SRGAP1: variants seen among roughly 807,000 people sequenced by gnomAD.
SRGAP1 encodes SLIT-ROBO Rho GTPase-activating protein 1.
A neutral mutation model predicts 121.9 loss-of-function variants in SRGAP1; 43 were observed. The observed-to-expected ratio is 0.35, with a 90% CI of 0.28 to 0.46. The LOEUF (loss-of-function observed/expected upper bound fraction) is 0.46, where lower values mean the gene tolerates loss of function less well. Ranked by LOEUF, SRGAP1 falls within the 20% of genes least tolerant of loss-of-function variation. The pLI, the probability that SRGAP1 is intolerant of heterozygous loss-of-function variation, is 1.00. For missense variants in SRGAP1, 1,102 were observed against 1,350.9 expected (o/e 0.82, Z 2.89); for synonymous variants, 447 against 485.4 (o/e 0.92, Z 1.04).
At position 64,095,160 on chromosome 12, in the gene SRGAP1, G is replaced by C; in HGVS notation, c.1634G>C (p.Gly545Ala). The C allele has an allele frequency of 6.2e-7, 1 of 1,614,028 alleles. No individual in the cohort carries two copies. Among genetic ancestry groups the C allele is most frequent in the Non-Finnish European group, 8.5e-7 (1 of 1,179,996 alleles). The change falls in exon 14 of 22, where the codon GGT becomes GCT. Residue 545 changes from glycine to alanine, a missense_variant. Physicochemically the swap from Gly to Ala is moderately conservative, Grantham distance 60 (BLOSUM62 0). Around this residue, in one of 3 missense-constraint regions of SRGAP1, gnomAD observed 747 missense variants for 929.4 expected, o/e 0.80. Coordinates refer to ENST00000355086, the MANE Select transcript of SRGAP1 (RefSeq NM_020762.4). ...CATCAGGGGATTTTCAGAGTGTCTGGTTCCCAGGTGGAAGTCAATGATATT... is the reference window on the plus strand; with the variant it reads ...CATCAGGGGATTTTCAGAGTGTCTGCTTCCCAGGTGGAAGTCAATGATATT... The part of the protein sequence containing the change: ...LQHQGIFRVS[G>A]SQVEVNDIKN...
At chr12:64,130,561 C>G (rs948425875) in intron 21 of SRGAP1, among the ~76,000 whole-genome samples, 2 of 152,136 alleles carry the variant, frequency 1.3e-5, no homozygotes, top group African/African-American at 4.8e-5. Context: ...GGGAACTTTG[C>G]CCCAGCCCTG....
In SRGAP1 at chr12:64,153,276, A is replaced by C. The variant is rs1051457236; in HGVS notation, c.*10604A>C. 3.9e-5 allele frequency: 6 copies of C among 152,114 alleles called. No individual in the cohort carries two copies. The highest frequency in any genetic ancestry group is 1.4e-4 in the African/African-American group (6 of 41,406). The allele number at this position is 152,114 out of a possible 1,614,324, so 9.4% of individuals were successfully genotyped here. ...CCCTGGAGATGAAAATAAAGGCCAG[A>C]ATGTGGACAGAGATCAGATTTTGGA... On this transcript the variant is annotated 3_prime_UTR_variant, in exon 22 of 22. Transcript: ENST00000355086.
At chr12:64,055,845 A>C (rs2035329947) in intron 6 of SRGAP1, among the ~76,000 whole-genome samples, 1 of 152,062 alleles carries the variant, frequency 6.6e-6, no homozygotes, top group African/African-American at 2.4e-5. Context: ...GAGTCACCTG[A>C]GGCATTATCT....
rs73130171 is a variant in SRGAP1 at position 64,110,337 on chromosome 12, C to T, written c.1919+1300C>T. Among the ~76,000 whole-genome samples, 318 of 152,270 alleles carry T rather than the reference C, an allele frequency of 2.1e-3. 1 individual carries two copies. Among genetic ancestry groups the T allele is most frequent in the Non-Finnish European group, 3.2e-3 (216 of 68,016 alleles). On this transcript the variant is annotated intron_variant, in intron 16 of 21. Coordinates refer to ENST00000355086, the MANE Select transcript of SRGAP1 (RefSeq NM_020762.4). Reference sequence around the variant, plus strand: ...GCAGTCTGTTAATTAAGAAAGTTCTCAAAACCTGAACCTAACTCATCATGC... The same window carrying T: ...GCAGTCTGTTAATTAAGAAAGTTCTTAAAACCTGAACCTAACTCATCATGC...
intron 4 of SRGAP1, among the ~76,000 whole-genome samples, chr12:64,035,972 C>T (rs188226037): frequency 2.8e-4 from 43 of 152,250 alleles, no homozygotes; most frequent in Admixed American, 4.6e-4. Flanking sequence ...CATTTTACCT[C>T]GAAGGAACTG....
In SRGAP1 at chr12:64,111,844, G is replaced by C; in HGVS notation, c.2002G>C (p.Glu668Gln). The change falls in exon 17 of 22, where the codon GAA becomes CAA. Residue 668 changes from glutamate to glutamine, a missense_variant. Around this residue, in one of 3 missense-constraint regions of SRGAP1, gnomAD observed 747 missense variants for 929.4 expected, o/e 0.80. Coordinates refer to ENST00000355086, the MANE Select transcript of SRGAP1 (RefSeq NM_020762.4). ...CFGPTLMPVP[E>Q]IQDQVSCQAH... ...TGGCCCAACATTGATGCCTGTCCCA[G>C]AAATACAGGATCAAGTGTCTTGCCA... 1 of 1,613,974 alleles carries C rather than the reference G, an allele frequency of 6.2e-7. No homozygotes were observed. The highest frequency in any genetic ancestry group is 1.3e-5 in the African/African-American group (1 of 74,976).
chr12:64,087,457 G>T (rs571603234), intron 11 of SRGAP1, among the ~76,000 whole-genome samples: 1 of 152,162 alleles, frequency 6.6e-6, no homozygotes, highest in East Asian at 1.9e-4. Context: ...AGAGCTGGCC[G>T]GGTGCAGTGG....
intron 15 of SRGAP1, among the ~76,000 whole-genome samples, chr12:64,098,703 A>G (rs1254864824): frequency 6.6e-6 from 1 of 151,974 alleles, no homozygotes; most frequent in Admixed American, 6.6e-5. Flanking sequence ...AGCTAACTCC[A>G]TGGCATGGCC....
At chr12:63,914,058 C>T (rs5023019) in intron 1 of SRGAP1, among the ~76,000 whole-genome samples, 45,125 of 151,946 alleles carry the variant, frequency 0.3, 6,807 homozygotes, top group African/African-American at 0.34. Context: ...TTTGTATCAA[C>T]AGTAATGAAT....
chr12:63,844,988 G>A lies in SRGAP1; in HGVS notation c.67+105G>A. 1 of 1,172,936 alleles carries A rather than the reference G, an allele frequency of 8.5e-7. No individual in the cohort carries two copies. The highest frequency in any genetic ancestry group is 1.3e-6 in the Non-Finnish European group (1 of 786,590). 72.7% of individuals were successfully genotyped at this position (1,172,936 alleles called of 1,614,324 possible). On this transcript the variant is annotated intron_variant, in intron 1 of 21. Coordinates refer to ENST00000355086, the MANE Select transcript of SRGAP1 (RefSeq NM_020762.4). The surrounding 1 kb of genome is among the most constrained non-coding windows in gnomAD (Gnocchi z 4.3). The stretch of plus-strand genomic sequence containing the variant: ...TGTCTGCGTGGGAGGAAGGTGGTGA[G>A]GGGACAGCTCGAGCCCTGTCTGAGC...
At chr12:63,909,206 G>A (rs552275146) in intron 1 of SRGAP1, among the ~76,000 whole-genome samples, 1 of 152,240 alleles carries the variant, frequency 6.6e-6, no homozygotes, top group Admixed American at 6.5e-5. Context: ...GAATCTTAAT[G>A]TAATTCAGTG....
chr12:63,867,375 G>A (rs1202853724), intron 1 of SRGAP1, among the ~76,000 whole-genome samples: 1 of 152,012 alleles, frequency 6.6e-6, no homozygotes, highest in African/African-American at 2.4e-5. Flanking sequence ...TTTTCTTTTT[G>A]ATTTAGAAAC....
At chr12:64,009,932 A>G (rs1199030824) in intron 3 of SRGAP1, among the ~76,000 whole-genome samples, 1 of 152,176 alleles carries the variant, frequency 6.6e-6, no homozygotes, top group South Asian at 2.1e-4. Context: ...TCAGGCCATC[A>G]AGCACAACCC....
chr12:64,023,939 A>C (rs941260762), intron 4 of SRGAP1, among the ~76,000 whole-genome samples: 1 of 152,204 alleles, frequency 6.6e-6, no homozygotes, highest in Non-Finnish European at 1.5e-5. Flanking sequence ...AAGGCCCATC[A>C]GTTCCTCACT....
rs776580465 is a variant in SRGAP1 at position 64,063,110 on chromosome 12, T to C, written c.995T>C (p.Phe332Ser). 64 of 1,613,606 alleles carry C rather than the reference T, an allele frequency of 4.0e-5. 1 individual carries two copies. In the Admixed American group the frequency reaches 1.1e-3, roughly 26 times the overall value. ...YPAAFCPPMK[F>S]EFQSHMGDEV... ...GCTGCGTTCTGTCCACCAATGAAGT[T>C]TGAGTTTCAGTCTCACATGGGTGAT... is the stretch of plus-strand genomic sequence containing the variant. The change falls in exon 7 of 22, where the codon TTT becomes TCT. Residue 332 changes from phenylalanine (F) to serine (S), a missense_variant. Coordinates refer to ENST00000355086, the MANE Select transcript of SRGAP1 (RefSeq NM_020762.4).
chr12:63,932,098 A>C (rs1452043031), intron 1 of SRGAP1, among the ~76,000 whole-genome samples: 2 of 152,206 alleles, frequency 1.3e-5, no homozygotes, highest in African/African-American at 4.8e-5. Flanking sequence ...CAACACAGTG[A>C]AACCCTGTCT....
intron 6 of SRGAP1, among the ~76,000 whole-genome samples, chr12:64,049,854 A>G (rs2136516437): frequency 6.6e-6 from 1 of 152,306 alleles, no homozygotes; most frequent in East Asian, 1.9e-4. Context: ...CTTTTTGCTC[A>G]GGATGGCTTT....
At chr12:64,010,373 CT>C (rs1340198723) in intron 3 of SRGAP1, among the ~76,000 whole-genome samples, 1 of 152,152 alleles carries the variant, frequency 6.6e-6, no homozygotes, top group Non-Finnish European at 1.5e-5. Context: ...CCTCTTTGTT[CT>C]TCCTCTCCCT....
intron 4 of SRGAP1, among the ~76,000 whole-genome samples, chr12:64,041,404 A>T (rs946694519): frequency 8.2e-6 from 1 of 122,034 alleles, no homozygotes; most frequent in African/African-American, 2.7e-5. Context: ...TATTTTTTTG[A>T]GGCAAGGTCT....
Sources: gnomAD v4.1 joint callset for allele counts (sites outside exome capture counted in the v4.1 genomes callset) on GRCh38, gnomAD v4.1.1 for gene constraint, gnomAD v4.1.1 regional missense constraint, Gnocchi (gnomAD v3.1) non-coding constraint, MANE v1.5 for transcripts, NCBI Gene and HGNC (gene_info 2026-07-23, HGNC 2026-07-21) for gene names.